ADGB: variants seen among roughly 807,000 people sequenced by gnomAD.
ADGB encodes androglobin, also known as calpain-7-like protein.
Under a neutral mutation model 210.5 loss-of-function variants are expected in ADGB, and 172 were observed. The observed-to-expected ratio is 0.82, with a 90% CI of 0.72 to 0.93. The LOEUF is 0.93. Among genes scored for constraint, ADGB ranks in the 40% least tolerant of loss-of-function variants. The probability of loss-of-function intolerance (pLI) is 0.00; values close to 1 mark genes in which losing one functional copy is unlikely to be tolerated. For synonymous variants in ADGB, 658 were observed against 662.7 expected (o/e 0.99, Z 0.11); for missense variants, 2,025 against 1,964.8 (o/e 1.03, Z -0.58).
At chr6:146,715,333 T>A (rs1449998959) in intron 13 of ADGB, 49 bp from the exon 14 acceptor site, 1 of 1,375,380 alleles carries the variant, frequency 7.3e-7, no homozygotes, top group African/African-American at 1.5e-5. Context: ...GTGCTTTGGA[T>A]AGCTGTAATG....
intron 1 of ADGB, among the ~76,000 whole-genome samples, chr6:146,608,397 A>T (rs1347023911): frequency 6.6e-6 from 1 of 151,284 alleles, no homozygotes; most frequent in African/African-American, 2.4e-5. Flanking sequence ...AACTTTGGTT[A>T]TTTCTTCCCC....
chr6:146,733,361 T>C, intron 21 of ADGB, 106 bp downstream of exon 21: 1 of 1,175,948 alleles, frequency 8.5e-7, no homozygotes, highest in Non-Finnish European at 1.1e-6. Flanking sequence ...CTGTGTGGAC[T>C]GTCATGGAGT....
At chr6:146,727,272 CAT>C (rs371351009) in intron 19 of ADGB, among the ~76,000 whole-genome samples, 1 of 151,834 alleles carries the variant, frequency 6.6e-6, no homozygotes, top group African/African-American at 2.4e-5. Flanking sequence ...TGCCCCCACA[CAT>C]GTCACACTCA....
intron 13 of ADGB, among the ~76,000 whole-genome samples, chr6:146,714,572 G>A (rs945376263): frequency 2.0e-5 from 3 of 152,170 alleles, no homozygotes; most frequent in Admixed American, 1.3e-4. Context: ...AATTTCAAGT[G>A]TGCTGTTTAG....
intron 29 of ADGB, among the ~76,000 whole-genome samples, chr6:146,780,751 A>G (rs1379671114): frequency 4.6e-5 from 7 of 152,178 alleles, no homozygotes; most frequent in Non-Finnish European, 1.0e-4. Flanking sequence ...TAATCGTTGG[A>G]AACTTTAATA....
intron 1 of ADGB, among the ~76,000 whole-genome samples, chr6:146,606,022 A>G (rs1295969926): frequency 6.6e-6 from 1 of 152,148 alleles, no homozygotes. Flanking sequence ...GAAATGGCTG[A>G]ACCAATTTAC....
chr6:146,746,735 C>T (rs938596023), intron 26 of ADGB, among the ~76,000 whole-genome samples: 5 of 152,122 alleles, frequency 3.3e-5, no homozygotes, highest in Non-Finnish European at 7.3e-5. Flanking sequence ...TGCTTTTAAA[C>T]CTTTGATAAC....
intron 1 of ADGB, 41 bp downstream of exon 1, chr6:146,599,155 C>A (rs1451066000): frequency 2.0e-6 from 3 of 1,522,074 alleles, no homozygotes; most frequent in African/African-American, 2.8e-5. Context: ...CTGGCCTAGC[C>A]CCTCGACCTC....
At chr6:146,776,341 A>T (rs1562298163) in intron 29 of ADGB, among the ~76,000 whole-genome samples, 3 of 152,118 alleles carry the variant, frequency 2.0e-5, no homozygotes. Context: ...AGCTTTACAT[A>T]TTAAAGTTAA....
intron 33 of ADGB, among the ~76,000 whole-genome samples, chr6:146,791,886 T>C (rs1777960906): frequency 6.6e-6 from 1 of 151,016 alleles, no homozygotes; most frequent in Non-Finnish European, 1.5e-5. Context: ...GCTTCCTAAG[T>C]AGCTGAGACT....
chr6:146,699,271 G>A (rs932556124), intron 12 of ADGB, among the ~76,000 whole-genome samples: 2 of 152,142 alleles, frequency 1.3e-5, no homozygotes, highest in African/African-American at 4.8e-5. Flanking sequence ...ACGTGGTTCA[G>A]TCCAAATCTA....
intron 27 of ADGB, among the ~76,000 whole-genome samples, chr6:146,754,701 A>C (rs1206688356): frequency 6.6e-6 from 1 of 151,986 alleles, no homozygotes; most frequent in Admixed American, 6.6e-5. Context: ...TATTTCTGTT[A>C]ATTTCTAATT....
rs549751176 is a variant in ADGB, at chr6:146,623,738, T to C, written c.75-11637T>C. On this transcript the variant is annotated intron_variant, in intron 1 of 35. Transcript: ENST00000397944. ...AGTTCCAGGTTTCTGTAGATGTCAT[T>C]TATCAGGTTAAAGGAGTTGCCTTCT... Among the ~76,000 whole-genome samples the C allele has an allele frequency of 6.1e-4, 93 of 152,054 alleles. 1 individual carries two copies. Among genetic ancestry groups the C allele is most frequent in the African/African-American group, 2.1e-3 (88 of 41,554 alleles).
chr6:146,761,961 T>C (rs1287745294), intron 27 of ADGB, among the ~76,000 whole-genome samples: 1 of 152,116 alleles, frequency 6.6e-6, no homozygotes, highest in African/African-American at 2.4e-5. Flanking sequence ...TGCCAACATC[T>C]TCACATGACC....
chr6:146,666,977 T>G, intron 7 of ADGB, 75 bp downstream of exon 7: 1 of 1,220,320 alleles, frequency 8.2e-7, no homozygotes, highest in Non-Finnish European at 1.1e-6. Flanking sequence ...TTCCTAGCCT[T>G]TAAGAAAATT....
chr6:146,631,160 A>G (rs1419938886), intron 1 of ADGB, among the ~76,000 whole-genome samples: 2 of 152,244 alleles, frequency 1.3e-5, no homozygotes, highest in Admixed American at 6.5e-5. Flanking sequence ...GAGGAAATCC[A>G]AATCCTAACA....
chr6:146,616,492 T>C (rs1218130966), intron 1 of ADGB, among the ~76,000 whole-genome samples: 6 of 151,986 alleles, frequency 3.9e-5, no homozygotes, highest in Non-Finnish European at 8.8e-5. Context: ...TTTAAAAATA[T>C]ATATATTTGC....
At chr6:146,607,289 T>C (rs948954277) in intron 1 of ADGB, among the ~76,000 whole-genome samples, 3 of 152,282 alleles carry the variant, frequency 2.0e-5, no homozygotes, top group South Asian at 2.1e-4. Context: ...TTAAGAGCCA[T>C]TGGGCTGAGG....
chr6:146,801,137 T>C (rs969634873), intron 33 of ADGB, 46 bp from the exon 34 acceptor site: 3 of 1,128,182 alleles, frequency 2.7e-6, no homozygotes, highest in Admixed American at 3.3e-5. Context: ...GTCATTATTA[T>C]TTTTTAAAGC....
Sources: allele counts gnomAD v4.1 joint callset (sites outside exome capture counted in the v4.1 genomes callset), GRCh38; gene constraint gnomAD v4.1.1; transcripts MANE v1.5; gene names NCBI Gene and HGNC (gene_info 2026-07-23, HGNC 2026-07-21).